The following CRAMP1 variants were observed in gnomAD, a reference collection of about 807,000 sequenced individuals.
CRAMP1 encodes cramped chromatin regulator 1.
CRAMP1 carries 50 observed loss-of-function variants against 115.4 expected under a neutral mutation model. The observed-to-expected ratio is 0.43, with a 90% CI of 0.35 to 0.55. The LOEUF (loss-of-function observed/expected upper bound fraction) is 0.55, where lower values mean the gene tolerates loss of function less well. Among genes scored for constraint, CRAMP1 ranks in the 20% least tolerant of loss-of-function variants. CRAMP1 has a pLI of 0.01. For missense variants in CRAMP1, 1,679 were observed against 1,721.7 expected, an observed-to-expected ratio of 0.98 and a Z score of 0.44; for synonymous variants, 866 against 745.4, an observed-to-expected ratio of 1.16 and a Z score of -2.64.
chr16:1,615,068 G>A (rs2036406324), intron 2 of CRAMP1, 83 bp downstream of exon 2: 3 of 864,466 alleles, frequency 3.5e-6, no homozygotes, highest in Non-Finnish European at 4.6e-6. Context: ...CCCCAGCCGG[G>A]CTCCACCCTA....
chr16:1,617,587 G>C (rs1009294342), intron 2 of CRAMP1, among the ~76,000 whole-genome samples: 3 of 152,184 alleles, frequency 2.0e-5, no homozygotes, highest in African/African-American at 7.2e-5. Flanking sequence ...TATGCCTAAG[G>C]AATACTTAGC....
In CRAMP1 at chr16:1,614,972, GC is replaced by G; in HGVS notation, c.337del (p.Arg113AlafsTer34). ...GGAGCGGCAACGCCGGTGGCTCGGG[GC>G]CCCGCGGAAAAGGTAGGGCGGCCCG... is the stretch of plus-strand genomic sequence containing the variant. ...VGSGNAGGSG[P>X]RGKGAEGGGS... On this transcript the variant is annotated frameshift_variant, in exon 2 of 21. Coordinates refer to ENST00000397412, the MANE Select transcript of CRAMP1 (RefSeq NM_020825.4). LOFTEE classifies it high-confidence loss of function. This position sits in a 1 kb window ranked among gnomAD's most constrained non-coding sequence, Gnocchi z 4.4. 1 of 1,254,788 alleles carries G rather than the reference GC, an allele frequency of 8.0e-7. No homozygotes were observed. Among genetic ancestry groups the G allele is most frequent in the Non-Finnish European group, 1.0e-6 (1 of 999,112 alleles). 77.7% of individuals were successfully genotyped at this position (1,254,788 alleles called of 1,614,324 possible).
chr16:1,641,470 C>T (rs1596488362), intron 6 of CRAMP1, among the ~76,000 whole-genome samples: 1 of 152,326 alleles, frequency 6.6e-6, no homozygotes, highest in Middle Eastern at 3.4e-3. Flanking sequence ...ACTCAGGGCC[C>T]TGCTTTTTGT....
chr16:1,662,085 G>A (rs545699411), intron 11 of CRAMP1, among the ~76,000 whole-genome samples: 2 of 152,302 alleles, frequency 1.3e-5, no homozygotes, highest in African/African-American at 4.8e-5. Flanking sequence ...CGGCTGAGTT[G>A]CCCCAGAGAC....
chr16:1,645,549 A>G (rs1002138641), intron 6 of CRAMP1: 7 of 157,676 alleles, frequency 4.4e-5, no homozygotes, highest in African/African-American at 1.4e-4. Flanking sequence ...CTCAGAGTCC[A>G]TAGTTTACTT....
chr16:1,631,739 A>G (rs1291585791), intron 3 of CRAMP1, among the ~76,000 whole-genome samples: 5 of 152,230 alleles, frequency 3.3e-5, no homozygotes, highest in African/African-American at 9.6e-5. Flanking sequence ...TGTGCGGTTC[A>G]CTTACTAAAT....
chr16:1,676,356 C>T lies in CRAMP1; in HGVS notation c.*2311C>T, dbSNP rs910064986. On this transcript the variant is annotated 3_prime_UTR_variant, in exon 21 of 21. Transcript: ENST00000397412. Reference sequence around the variant, plus strand: ...ACAAGAGTTCTAGAGGATTCTGCTTCTCTAGTAACTAGACAGGTGATACGC... The same window carrying T: ...ACAAGAGTTCTAGAGGATTCTGCTTTTCTAGTAACTAGACAGGTGATACGC... 1 of 152,264 alleles carries T rather than the reference C, an allele frequency of 6.6e-6. No homozygotes were observed. The highest frequency in any genetic ancestry group is 2.4e-5 in the African/African-American group (1 of 41,444). 9.4% of individuals were successfully genotyped at this position (152,264 alleles called of 1,614,324 possible).
Position 1,655,800 on chromosome 16 carries a change from G to C in CRAMP1, c.1120-77G>C, listed in dbSNP as rs181301467. On this transcript the variant is annotated intron_variant, in intron 9 of 20. Transcript: ENST00000397412. Reference sequence around the variant, plus strand: ...GGGATGCCAGTGGGGAGCGTGGCTCGTGTCTGTACCCATGTGCCTGGTCAG... The same window carrying C: ...GGGATGCCAGTGGGGAGCGTGGCTCCTGTCTGTACCCATGTGCCTGGTCAG... 8.6e-6 allele frequency: 13 copies of C among 1,504,984 alleles called. No individual in the cohort carries two copies. The African/African-American group carries it at 1.4e-4, about 16-fold the overall frequency. 93.2% of individuals were successfully genotyped at this position (1,504,984 alleles called of 1,614,324 possible). A position where few individuals can be genotyped will look rare whatever the true frequency, so the allele number is the denominator to read the frequency against.
At chr16:1,613,512 CTA>C (rs925251687) in intron 1 of CRAMP1, among the ~76,000 whole-genome samples, 5 of 152,340 alleles carry the variant, frequency 3.3e-5, no homozygotes, top group African/African-American at 1.2e-4. Context: ...GCTGAGGAAT[CTA>C]ATCTTCAGCG....
chr16:1,667,533 A>G lies in CRAMP1; in HGVS notation c.3102+133A>G, dbSNP rs548531814. 112 of 723,150 alleles carry G rather than the reference A, an allele frequency of 1.5e-4. 1 individual carries two copies. The South Asian group carries it at 1.7e-3, about 11-fold the overall frequency. The allele number at this position is 723,150 out of a possible 1,614,324, so 44.8% of individuals were successfully genotyped here. A position where few individuals can be genotyped will look rare whatever the true frequency, so the allele number is the denominator to read the frequency against. Reference sequence around the variant, plus strand: ...TGTGCAGTGGCTTTGCTGTTCTTCCACCTGCTGTGCCGACTGCCCAGGGTG... The same window carrying G: ...TGTGCAGTGGCTTTGCTGTTCTTCCGCCTGCTGTGCCGACTGCCCAGGGTG... On this transcript the variant is annotated intron_variant, in intron 17 of 20. Coordinates refer to ENST00000397412, the MANE Select transcript of CRAMP1 (RefSeq NM_020825.4).
intron 2 of CRAMP1, among the ~76,000 whole-genome samples, chr16:1,618,595 A>G (rs2036440368): frequency 6.6e-6 from 1 of 152,228 alleles, no homozygotes; most frequent in African/African-American, 2.4e-5. Flanking sequence ...CACCATCTCC[A>G]GAATAGGGTA....
intron 19 of CRAMP1, 194 bp from the exon 20 acceptor site, chr16:1,670,470 C>T (rs1446510547): frequency 1.6e-6 from 1 of 615,622 alleles, no homozygotes; most frequent in South Asian, 1.9e-5. Flanking sequence ...TGTCTGTATG[C>T]ACGAAGGCCT....
Position 1,665,044 on chromosome 16 carries a change from A to G in CRAMP1, c.2671-13A>G. The G allele has an allele frequency of 1.3e-6, 2 of 1,589,688 alleles. No individual in the cohort carries two copies. The highest frequency in any genetic ancestry group is 2.2e-5 in the East Asian group (1 of 44,720). On this transcript the variant is annotated splice_polypyrimidine_tract_variant and intron_variant, in intron 13 of 20. Transcript: ENST00000397412. ...AGTTTCATCACCTTGATTGTTGACC[A>G]TTTTCCCCACAGAGAACACTGCTCC... is the stretch of plus-strand genomic sequence containing the variant.
chr16:1,614,468 G>A lies in CRAMP1; in HGVS notation c.-1-171G>A, dbSNP rs1275942840. ...GGTGGGCAGGGCCGGGGGCGGCGGC[G>A]TGGGGGCGGCAGGGGCCGCGGCGGG... On this transcript the variant is annotated intron_variant, in intron 1 of 20. Transcript: ENST00000397412. The surrounding 1 kb of genome is among the most constrained non-coding windows in gnomAD (Gnocchi z 4.4). 2.7e-5 allele frequency among the ~76,000 whole-genome samples: 4 copies of A among 145,770 alleles called. No homozygotes were observed. Among genetic ancestry groups the A allele is most frequent in the African/African-American group, 7.4e-5 (3 of 40,620 alleles).
At position 1,665,882 on chromosome 16, in the gene CRAMP1, TTG is replaced by T. The variant is rs2036869976; in HGVS notation, c.2753-187_2753-186del. 8.5e-6 allele frequency: 5 copies of T among 586,106 alleles called. No homozygotes were observed. In the South Asian group the frequency reaches 1.0e-4, roughly 12 times the overall value. 36.3% of individuals were successfully genotyped at this position (586,106 alleles called of 1,614,324 possible). A position where few individuals can be genotyped will look rare whatever the true frequency, so the allele number is the denominator to read the frequency against. ...GAGGCACAGTGGTGGGTGCCAGAGC[TTG>T]TGTCACGTTGGGGGCCTGTGTGACC... On this transcript the variant is annotated intron_variant, in intron 14 of 20. Transcript: ENST00000397412.
At position 1,614,831 on chromosome 16, in the gene CRAMP1, C is replaced by T. The variant is rs1017576837; in HGVS notation, c.192C>T (p.Gly64=). The T allele has an allele frequency of 6.3e-5, 80 of 1,272,278 alleles. No homozygotes were observed. The African/African-American group carries it at 1.2e-3, about 19-fold the overall frequency. 78.8% of individuals were successfully genotyped at this position (1,272,278 alleles called of 1,614,324 possible). Residue 64 remains glycine, a synonymous_variant, in exon 2 of 21, where the codon GGC becomes GGT. Transcript: ENST00000397412. This position sits in a 1 kb window ranked among gnomAD's most constrained non-coding sequence, Gnocchi z 4.4. ...AGADGPPAPP[G]APQAPSPPQG... ...CCGACGGCCCCCCCGCGCCCCCCGG[C>T]GCGCCGCAGGCGCCGTCCCCGCCGC... is the stretch of plus-strand genomic sequence containing the variant.
Position 1,666,432 on chromosome 16 carries a change from C to T in CRAMP1, c.2868C>T (p.Asp956=). Residue 956 remains aspartate (D), a synonymous_variant, in exon 16 of 21, where the codon GAC becomes GAT. Coordinates refer to ENST00000397412, the MANE Select transcript of CRAMP1 (RefSeq NM_020825.4). This position sits in a 1 kb window ranked among gnomAD's most constrained non-coding sequence, Gnocchi z 5.0. ...QATSHLASAI[D]LAATSAGILS... Reference sequence around the variant, plus strand: ...CCTTTTTGTTGCCAGGTGCTATCGACTTAGCAGCTACAAGTGCCGGCATCC... The same window carrying T: ...CCTTTTTGTTGCCAGGTGCTATCGATTTAGCAGCTACAAGTGCCGGCATCC... 3 of 1,613,046 alleles carry T rather than the reference C, an allele frequency of 1.9e-6. No individual in the cohort carries two copies. In the East Asian group the frequency reaches 6.7e-5, roughly 36 times the overall value.
chr16:1,645,903 G>A (rs2036670568), intron 6 of CRAMP1, among the ~76,000 whole-genome samples: 1 of 152,046 alleles, frequency 6.6e-6, no homozygotes, highest in African/African-American at 2.4e-5. Flanking sequence ...GATATGGAAC[G>A]CTGCCAGCAA....
intron 2 of CRAMP1, among the ~76,000 whole-genome samples, chr16:1,618,573 G>T (rs796278590): frequency 1.3e-5 from 2 of 152,194 alleles, no homozygotes; most frequent in South Asian, 2.1e-4. Flanking sequence ...TTCCATCAAG[G>T]ATGGGGAAAT....
Sources: allele counts gnomAD v4.1 joint callset (sites outside exome capture counted in the v4.1 genomes callset), GRCh38; gene constraint gnomAD v4.1.1; non-coding constraint Gnocchi (gnomAD v3.1); transcripts MANE v1.5; gene names NCBI Gene and HGNC (gene_info 2026-07-23, HGNC 2026-07-21).